The following DPYSL3 variants were observed in gnomAD, a reference collection of about 807,000 sequenced individuals.
DPYSL3 encodes the protein dihydropyrimidinase-related protein 3.
Under a neutral mutation model 66.1 loss-of-function variants are expected in DPYSL3, and 16 were observed. That is an observed-to-expected ratio of 0.24 (90% CI 0.16 to 0.37). The LOEUF is 0.37. DPYSL3 is among the 10% of genes least tolerant of loss of function. DPYSL3 has a pLI of 1.00. For missense variants in DPYSL3, 738 were observed against 916.2 expected, an observed-to-expected ratio of 0.81 and a Z score of 2.51; for synonymous variants, 338 against 345.1, an observed-to-expected ratio of 0.98 and a Z score of 0.23.
At chr5:147,467,395 A>G (rs897710575) in intron 1 of DPYSL3, among the ~76,000 whole-genome samples, 11 of 152,186 alleles carry the variant, frequency 7.2e-5, no homozygotes, top group Non-Finnish European at 1.5e-4. Context: ...AATTAAAAGA[A>G]TAGATTTTGA....
intron 1 of DPYSL3, among the ~76,000 whole-genome samples, chr5:147,455,648 G>GCT (rs879889430): frequency 3.3e-4 from 50 of 151,930 alleles, no homozygotes; most frequent in Admixed American, 1.4e-3. Context: ...AACCAGCAGA[G>GCT]CTCTCTCTCT....
In DPYSL3 at chr5:147,397,568, G is replaced by A. The variant is rs949592975; in HGVS notation, c.1803+98C>T. ...ACTGTCACTGAATTTCTCTGTGAGA[G>A]TCTAGAGATCACAGTGCCCTGTGTT... On this transcript the variant is annotated intron_variant, in intron 12 of 13. Coordinates refer to ENST00000343218, the MANE Select transcript of DPYSL3 (RefSeq NM_001197294.2). 1.6e-5 allele frequency: 20 copies of A among 1,279,616 alleles called. No homozygotes were observed. In the Admixed American group the frequency reaches 2.1e-4, roughly 13 times the overall value. The allele number at this position is 1,279,616 out of a possible 1,614,324, so 79.3% of individuals were successfully genotyped here. A position where few individuals can be genotyped will look rare whatever the true frequency, so the allele number is the denominator to read the frequency against.
chr5:147,396,287 G>T (rs2288803), intron 12 of DPYSL3, among the ~76,000 whole-genome samples: 36,390 of 152,036 alleles, frequency 0.24, 4,724 homozygotes, highest in East Asian at 0.55. Context: ...CTGTGAACTT[G>T]CCCTGGGACT....
chr5:147,481,465 T>C (rs182580588), intron 1 of DPYSL3, among the ~76,000 whole-genome samples: 90 of 152,348 alleles, frequency 5.9e-4, no homozygotes, highest in African/African-American at 2.0e-3. Flanking sequence ...ATGACTTTAT[T>C]ACTCATGAAA....
chr5:147,398,955 G>T, intron 11 of DPYSL3, 127 bp downstream of exon 11: 1 of 1,290,264 alleles, frequency 7.8e-7, no homozygotes, highest in Non-Finnish European at 1.1e-6. Flanking sequence ...GAGATTTAGG[G>T]GATGGATTAT....
rs1345295881 is a variant in DPYSL3 at position 147,418,589 on chromosome 5, G to A, written c.513C>T (p.Thr171=). The change falls in exon 3 of 14, where the codon ACC becomes ACT. Residue 171 remains threonine, a synonymous_variant. Transcript: ENST00000343218. ...TCACCATCTTCCCATTGGCTTCAAT[G>A]GTCTTCACTCCTCCAGGAACAATCA... The part of the protein sequence containing the change: ...DNLIVPGGVK[T]IEANGKMVIP... 1.2e-6 allele frequency: 2 copies of A among 1,609,728 alleles called. No individual in the cohort carries two copies. The highest frequency in any genetic ancestry group is 1.1e-5 in the South Asian group (1 of 90,044).
At position 147,408,645 on chromosome 5, in the gene DPYSL3, G is replaced by A. The variant is rs76305033; in HGVS notation, c.1032+83C>T. 805 of 1,449,498 alleles carry A rather than the reference G, an allele frequency of 5.6e-4. 11 individuals are homozygous for A. The East Asian group carries it at 0.016, about 28-fold the overall frequency. The allele number at this position is 1,449,498 out of a possible 1,614,324, so 89.8% of individuals were successfully genotyped here. On this transcript the variant is annotated intron_variant, in intron 7 of 13. Transcript: ENST00000343218. ...TCTTTGGAAGAAATGTTCCAATACT[G>A]CAACCTGGTACTCACATTCTCGTCG...
chr5:147,412,534 A>C, intron 6 of DPYSL3, 74 bp downstream of exon 6: 1 of 1,437,682 alleles, frequency 7.0e-7, no homozygotes, highest in Admixed American at 1.9e-5. Context: ...TGAGAGCTCA[A>C]GCAGCACTGA....
At position 147,422,771 on chromosome 5, in the gene DPYSL3, G is replaced by A. The variant is rs372114969; in HGVS notation, c.470+2104C>T. ...ACACAGGAACAGGAAACCAAACACC[G>A]CATGTTCACACTTATAAGTGGGACT... On this transcript the variant is annotated intron_variant, in intron 2 of 13. Transcript: ENST00000343218. 6.4e-4 allele frequency among the ~76,000 whole-genome samples: 97 copies of A among 151,996 alleles called. 1 individual carries two copies. In the South Asian group the frequency reaches 0.014, roughly 23 times the overall value.
At chr5:147,465,751 A>C (rs902067118) in intron 1 of DPYSL3, among the ~76,000 whole-genome samples, 5 of 152,222 alleles carry the variant, frequency 3.3e-5, no homozygotes, top group Non-Finnish European at 7.3e-5. Flanking sequence ...TAGTCAAAAA[A>C]GGGGAAGAAT....
In DPYSL3 at chr5:147,477,621, GCCGGA is replaced by G. The variant is rs58460576; in HGVS notation, c.381+31852_381+31856del. Among the ~76,000 whole-genome samples, 1,784 of 125,338 alleles carry G rather than the reference GCCGGA, an allele frequency of 0.014. 134 individuals carry two copies. The East Asian group carries it at 0.25, about 18-fold the overall frequency. The allele number at this position is 125,338 out of a possible 152,430, so 82.2% of individuals were successfully genotyped here. ...GACGGAGTCTCGCTCTGTCGCCCAG[GCCGGA>G]CTGCGGACTGCAGTGGCGCAATCTC... On this transcript the variant is annotated intron_variant, in intron 1 of 13. Coordinates refer to ENST00000343218, the MANE Select transcript of DPYSL3 (RefSeq NM_001197294.2).
chr5:147,494,070 G>C (rs1581217817), intron 1 of DPYSL3, among the ~76,000 whole-genome samples: 2 of 152,134 alleles, frequency 1.3e-5, no homozygotes, highest in East Asian at 3.9e-4. Flanking sequence ...GCAGGCGCCT[G>C]TAATCCCAGC....
chr5:147,401,252 G>A (rs1320996248), intron 9 of DPYSL3, among the ~76,000 whole-genome samples: 1 of 152,202 alleles, frequency 6.6e-6, no homozygotes. Flanking sequence ...TCATAAAGTT[G>A]TTAGGAGAAA....
Position 147,408,769 on chromosome 5 carries a change from T to A in DPYSL3, c.991A>T (p.Ile331Leu), listed in dbSNP as rs1751780928. 1.2e-6 allele frequency: 2 copies of A among 1,614,072 alleles called. No individual in the cohort carries two copies. The highest frequency in any genetic ancestry group is 1.1e-5 in the South Asian group (1 of 91,088). ...AGTACATGGCCTTCTGGGCCAGTTA[T>A]CCCCATTTCCAACATGCGGGTTTGC... ...QEQTRMLEMG[I>L]TGPEGHVLSR... Residue 331 changes from isoleucine (I) to leucine (L), a missense_variant, in exon 7 of 14, where the codon ATA becomes TTA. By Grantham distance (5) the Ile-to-Leu change is conservative. Coordinates refer to ENST00000343218, the MANE Select transcript of DPYSL3 (RefSeq NM_001197294.2).
chr5:147,458,108 A>G (rs1752878503), intron 1 of DPYSL3, among the ~76,000 whole-genome samples: 1 of 152,142 alleles, frequency 6.6e-6, no homozygotes, highest in Non-Finnish European at 1.5e-5. Context: ...TCCATCTTGA[A>G]TAGGAGCTGT....
At chr5:147,404,753 G>A (rs1402856808) in intron 8 of DPYSL3, among the ~76,000 whole-genome samples, 2 of 152,210 alleles carry the variant, frequency 1.3e-5, no homozygotes, top group African/African-American at 2.4e-5. Flanking sequence ...AAAAGAAGCA[G>A]AAGTCAACAG....
At chr5:147,441,188 T>C (rs756394086) in intron 1 of DPYSL3, among the ~76,000 whole-genome samples, 1 of 152,220 alleles carries the variant, frequency 6.6e-6, no homozygotes, top group Non-Finnish European at 1.5e-5. Context: ...TTTATGACTC[T>C]GCTAGGGCTG....
intron 1 of DPYSL3, among the ~76,000 whole-genome samples, chr5:147,457,174 C>T (rs914592131): frequency 6.6e-6 from 1 of 152,142 alleles, no homozygotes; most frequent in Non-Finnish European, 1.5e-5. Flanking sequence ...TCGTATTCTT[C>T]TTATTATATA....
chr5:147,440,080 A>T lies in DPYSL3; in HGVS notation c.382-15117T>A, dbSNP rs185051309. 2.4e-3 allele frequency among the ~76,000 whole-genome samples: 363 copies of T among 152,308 alleles called. 1 individual carries two copies. The highest frequency in any genetic ancestry group is 3.9e-3 in the Non-Finnish European group (267 of 68,038). ...CACTTTGGGAGGCCGAGGCAGGCAG[A>T]TCACGAGGTCAGGAGATCGAGCCCA... is the stretch of plus-strand genomic sequence containing the variant. On this transcript the variant is annotated intron_variant, in intron 1 of 13. Coordinates refer to ENST00000343218, the MANE Select transcript of DPYSL3 (RefSeq NM_001197294.2).
Sources: gnomAD v4.1 joint callset for allele counts (sites outside exome capture counted in the v4.1 genomes callset) on GRCh38, gnomAD v4.1.1 for gene constraint, MANE v1.5 for transcripts, NCBI Gene and HGNC (gene_info 2026-07-23, HGNC 2026-07-21) for gene names.